The following GRM8 variants were observed in gnomAD, a reference collection of about 807,000 sequenced individuals.
GRM8 encodes glutamate metabotropic receptor 8, also known as metabotropic glutamate receptor 8.
GRM8 carries 47 observed loss-of-function variants against 87.2 expected under a neutral mutation model. That is an observed-to-expected ratio of 0.54 (90% CI 0.43 to 0.69). The LOEUF is 0.69. Among genes scored for constraint, GRM8 ranks in the 30% least tolerant of loss-of-function variants. GRM8 has a pLI of 0.00. For missense variants in GRM8, 1,019 were observed against 1,139.2 expected, an observed-to-expected ratio of 0.89 and a Z score of 1.52; for synonymous variants, 396 against 404.5, an observed-to-expected ratio of 0.98 and a Z score of 0.25.
At chr7:127,058,103 G>A (rs369466436) in intron 3 of GRM8, 20 of 509,870 alleles carry the variant, frequency 3.9e-5, no homozygotes, top group Admixed American at 1.2e-4. Flanking sequence ...GACGTCTTAC[G>A]TCATGATGTT....
chr7:126,885,806 T>C (rs1800436229), intron 6 of GRM8, among the ~76,000 whole-genome samples: 1 of 152,190 alleles, frequency 6.6e-6, no homozygotes, highest in Non-Finnish European at 1.5e-5. Context: ...ATCTTCTACC[T>C]TCAAATATAA....
chr7:126,625,638 C>T (rs1485879624), intron 7 of GRM8, among the ~76,000 whole-genome samples: 1 of 151,348 alleles, frequency 6.6e-6, no homozygotes, highest in Non-Finnish European at 1.5e-5. Flanking sequence ...AGAAATAGAC[C>T]CTATAATTGC....
Position 126,828,320 on chromosome 7 carries a change from C to T in GRM8, c.1157-58255G>A, listed in dbSNP as rs1336006111. Among the ~76,000 whole-genome samples the T allele has an allele frequency of 3.9e-5, 6 of 152,182 alleles. No homozygotes were observed. The East Asian group carries it at 1.2e-3, about 29-fold the overall frequency. ...TCCTCCTTGTACCTCTGGTAGAATT[C>T]GGCTGTGAATCCATCTGGTCCTGGA... On this transcript the variant is annotated intron_variant, in intron 6 of 10. Coordinates refer to ENST00000339582, the MANE Select transcript of GRM8 (RefSeq NM_000845.3).
intron 2 of GRM8, among the ~76,000 whole-genome samples, chr7:127,194,009 T>TA (rs1318854787): frequency 6.6e-6 from 1 of 152,184 alleles, no homozygotes; most frequent in Non-Finnish European, 1.5e-5. Context: ...CTACTGGTGA[T>TA]AGAGGGCACC....
intron 2 of GRM8, among the ~76,000 whole-genome samples, chr7:127,233,152 A>C (rs979118790): frequency 3.9e-5 from 6 of 152,156 alleles, no homozygotes; most frequent in African/African-American, 1.4e-4. Context: ...CAGATAAGAA[A>C]GCTTAAGAAT....
chr7:126,723,555 CAA>C (rs5887305), intron 7 of GRM8, among the ~76,000 whole-genome samples: 7,321 of 145,938 alleles, frequency 0.05, 628 homozygotes, highest in African/African-American at 0.17. Flanking sequence ...AGAGGCGAAC[CAA>C]AAAAAAAAAA....
At chr7:126,696,925 GT>G (rs1421729677) in intron 7 of GRM8, among the ~76,000 whole-genome samples, 13 of 152,190 alleles carry the variant, frequency 8.5e-5, no homozygotes, top group African/African-American at 3.1e-4. Flanking sequence ...GCACGCCAAT[GT>G]TCGTTGCAGC....
At chr7:126,864,294 G>T (rs1798410193) in intron 6 of GRM8, among the ~76,000 whole-genome samples, 1 of 151,962 alleles carries the variant, frequency 6.6e-6, no homozygotes, top group Admixed American at 6.6e-5. Flanking sequence ...ACTACATACA[G>T]TTACCTACTT....
At chr7:126,622,839 T>C (rs2151146484) in intron 7 of GRM8, among the ~76,000 whole-genome samples, 1 of 152,332 alleles carries the variant, frequency 6.6e-6, no homozygotes, top group East Asian at 1.9e-4. Flanking sequence ...CTTATTTCTC[T>C]TTTACTCTTT....
At chr7:126,714,430 CTTA>C (rs1354361314) in intron 7 of GRM8, among the ~76,000 whole-genome samples, 1 of 151,940 alleles carries the variant, frequency 6.6e-6, no homozygotes, top group Non-Finnish European at 1.5e-5. Flanking sequence ...AGGAGGTTCT[CTTA>C]TTATCTCCAT....
intron 6 of GRM8, among the ~76,000 whole-genome samples, chr7:126,865,677 C>T (rs920256461): frequency 7.9e-5 from 12 of 152,320 alleles, no homozygotes; most frequent in African/African-American, 2.6e-4. Flanking sequence ...TAAATGGACT[C>T]ATAACAGGTG....
At chr7:126,837,173 C>T (rs1035937611) in intron 6 of GRM8, among the ~76,000 whole-genome samples, 14 of 151,968 alleles carry the variant, frequency 9.2e-5, no homozygotes, top group Non-Finnish European at 1.9e-4. Flanking sequence ...ACATTTAGTA[C>T]TAATAAAGCT....
chr7:127,086,979 GA>G (rs1823574479), intron 3 of GRM8, among the ~76,000 whole-genome samples: 1 of 152,190 alleles, frequency 6.6e-6, no homozygotes. Context: ...AAAAGCTGGG[GA>G]GAAAACTAAA....
chr7:127,122,966 G>A (rs1212920656), intron 2 of GRM8, among the ~76,000 whole-genome samples: 1 of 152,090 alleles, frequency 6.6e-6, no homozygotes, highest in African/African-American at 2.4e-5. Flanking sequence ...AGTCAACGTT[G>A]AACTTCAGGA....
At chr7:126,780,223 C>A (rs73720781) in intron 6 of GRM8, among the ~76,000 whole-genome samples, 3,386 of 152,222 alleles carry the variant, frequency 0.022, 133 homozygotes, top group African/African-American at 0.077. Flanking sequence ...GTTCAAATCT[C>A]AATACCACCA....
At chr7:126,550,101 GTTTTTTGT>G (rs1172336070) in intron 8 of GRM8, among the ~76,000 whole-genome samples, 6 of 151,528 alleles carry the variant, frequency 4.0e-5, no homozygotes, top group South Asian at 2.1e-4. Context: ...GAGTGAAAAT[GTTTTTTGT>G]TTTTTTGTTT....
intron 2 of GRM8, among the ~76,000 whole-genome samples, chr7:127,135,280 T>C (rs1250980863): frequency 6.6e-6 from 1 of 152,158 alleles, no homozygotes; most frequent in Non-Finnish European, 1.5e-5. Context: ...TAAATAAATC[T>C]GAGCTTTGTG....
chr7:126,746,019 A>G (rs1815629898), intron 7 of GRM8, among the ~76,000 whole-genome samples: 1 of 151,804 alleles, frequency 6.6e-6, no homozygotes, highest in Non-Finnish European at 1.5e-5. Context: ...GAAAGCTAAG[A>G]GAATACTGCT....
chr7:126,622,365 T>C (rs1403015835), intron 7 of GRM8, among the ~76,000 whole-genome samples: 1 of 152,154 alleles, frequency 6.6e-6, no homozygotes, highest in African/African-American at 2.4e-5. Context: ...TAGGTAATAT[T>C]TGACTGTTTC....
Sources: allele counts gnomAD v4.1 joint callset (sites outside exome capture counted in the v4.1 genomes callset), GRCh38; gene constraint gnomAD v4.1.1; transcripts MANE v1.5; gene names NCBI Gene and HGNC (gene_info 2026-07-23, HGNC 2026-07-21).